The following COL22A1 variants were observed in gnomAD, a reference collection of about 807,000 sequenced individuals.
COL22A1 encodes the protein collagen type XXII alpha 1 chain.
Under a neutral mutation model 248.9 loss-of-function variants are expected in COL22A1, and 221 were observed. The ratio of observed to expected loss-of-function variants is 0.89; its 90% CI spans 0.80 to 0.99. COL22A1 has a LOEUF of 0.99. Among genes scored for constraint, COL22A1 ranks in the 50% least tolerant of loss-of-function variants. The pLI, the probability that COL22A1 is intolerant of heterozygous loss-of-function variation, is 0.00. For missense variants in COL22A1, 2,240 were observed against 2,179.0 expected (o/e 1.03, Z -0.56); for synonymous variants, 891 against 793.4 (o/e 1.12, Z -2.07).
At chr8:138,737,287 C>G (rs769985488) in intron 23 of COL22A1, among the ~76,000 whole-genome samples, 23 of 152,166 alleles carry the variant, frequency 1.5e-4, no homozygotes, top group Non-Finnish European at 2.2e-4. Flanking sequence ...CTTTTATCAC[C>G]CCCATCTGCC....
intron 60 of COL22A1, 42 bp downstream of exon 60, chr8:138,602,073 G>A: frequency 1.2e-6 from 2 of 1,611,600 alleles, no homozygotes; most frequent in Non-Finnish European, 1.7e-6. Context: ...CTGTGCAAAG[G>A]TCGCGTTCGG....
intron 30 of COL22A1, among the ~76,000 whole-genome samples, chr8:138,709,339 G>A (rs569504631): frequency 7.7e-4 from 117 of 152,150 alleles, no homozygotes; most frequent in Admixed American, 2.3e-3. Context: ...ACATGCACAC[G>A]TATGTTTATT....
intron 12 of COL22A1, among the ~76,000 whole-genome samples, chr8:138,792,306 A>G (rs929054087): frequency 2.0e-4 from 30 of 152,318 alleles, no homozygotes; most frequent in African/African-American, 6.7e-4. Context: ...TACCTGCAAT[A>G]TTAATAATAG....
chr8:138,762,588 GCA>G (rs5895560), intron 16 of COL22A1, 122 bp from the exon 17 acceptor site: 6,772 of 510,960 alleles, frequency 0.013, no homozygotes, highest in Non-Finnish European at 0.014. Flanking sequence ...AAACGCACGT[GCA>G]CACACACACA....
chr8:138,908,680 A>G (rs1815208239), intron 1 of COL22A1, among the ~76,000 whole-genome samples: 2 of 152,156 alleles, frequency 1.3e-5, no homozygotes, highest in Admixed American at 1.3e-4. Context: ...GATCTATGTG[A>G]TAATATCTCA....
At chr8:138,857,071 C>T (rs914418831) in intron 3 of COL22A1, among the ~76,000 whole-genome samples, 4 of 152,034 alleles carry the variant, frequency 2.6e-5, no homozygotes, top group Non-Finnish European at 5.9e-5. Flanking sequence ...GCCTTGCTGT[C>T]CGCATCCCCA....
chr8:138,690,884 G>A lies in COL22A1; in HGVS notation c.2755-10C>T. The stretch of plus-strand genomic sequence containing the variant: ...CATGTCCGGGAGCACCCTGTTCAGA[G>A]ACAGAAGTTTAGAAAGGCCAAACGC... On this transcript the variant is annotated splice_polypyrimidine_tract_variant and intron_variant, in intron 35 of 64. Transcript: ENST00000303045. 1.2e-6 allele frequency: 2 copies of A among 1,605,010 alleles called. No homozygotes were observed. Among genetic ancestry groups the A allele is most frequent in the Non-Finnish European group, 1.7e-6 (2 of 1,176,180 alleles).
At chr8:138,823,937 G>A (rs770294735) in intron 6 of COL22A1, among the ~76,000 whole-genome samples, 1 of 152,152 alleles carries the variant, frequency 6.6e-6, no homozygotes, top group African/African-American at 2.4e-5. Flanking sequence ...GTTAAAGGAA[G>A]GTGCTCACGT....
intron 46 of COL22A1, among the ~76,000 whole-genome samples, 181 bp from the exon 47 acceptor site, chr8:138,646,863 T>G (rs1025668544): frequency 2.1e-4 from 32 of 152,268 alleles, no homozygotes; most frequent in African/African-American, 7.7e-4. Context: ...TAGTACTGAG[T>G]GTGGCTGTGC....
intron 9 of COL22A1, among the ~76,000 whole-genome samples, chr8:138,811,221 A>G (rs1818184289): frequency 6.6e-6 from 1 of 151,692 alleles, no homozygotes; most frequent in South Asian, 2.1e-4. Context: ...ACAGAAATGC[A>G]CCACTTTTTA....
At chr8:138,706,475 T>A (rs954234761) in intron 30 of COL22A1, among the ~76,000 whole-genome samples, 1 of 152,168 alleles carries the variant, frequency 6.6e-6, no homozygotes, top group Non-Finnish European at 1.5e-5. Flanking sequence ...AATGCAGGAT[T>A]AAGAAACTCA....
chr8:138,649,321 G>T (rs1822487487), intron 46 of COL22A1, among the ~76,000 whole-genome samples: 1 of 152,152 alleles, frequency 6.6e-6, no homozygotes, highest in Non-Finnish European at 1.5e-5. Context: ...TGCCTATCTT[G>T]GTGCCTATTA....
At chr8:138,746,204 C>T (rs1832092898) in intron 22 of COL22A1, among the ~76,000 whole-genome samples, 1 of 152,206 alleles carries the variant, frequency 6.6e-6, no homozygotes, top group Admixed American at 6.5e-5. Context: ...CTGTTGCCCC[C>T]CAACCCATGT....
intron 37 of COL22A1, among the ~76,000 whole-genome samples, chr8:138,685,997 G>A (rs1424551534): frequency 3.9e-5 from 6 of 152,018 alleles, no homozygotes; most frequent in East Asian, 3.9e-4. Flanking sequence ...CTCTGGGAGC[G>A]GAGACCTCAC....
intron 49 of COL22A1, among the ~76,000 whole-genome samples, chr8:138,631,003 G>A (rs1820675314): frequency 6.6e-6 from 1 of 152,104 alleles, no homozygotes; most frequent in Non-Finnish European, 1.5e-5. Flanking sequence ...TGCAAGATCT[G>A]GTTGTTTAGA....
chr8:138,855,834 C>T (rs1385831031), intron 3 of COL22A1, among the ~76,000 whole-genome samples: 5 of 152,326 alleles, frequency 3.3e-5, no homozygotes, highest in Non-Finnish European at 7.3e-5. Context: ...CTGTCCCCAC[C>T]GACGTAGCTT....
At chr8:138,755,745 C>T (rs1249918358) in intron 19 of COL22A1, 40 bp downstream of exon 19, 1 of 1,608,234 alleles carries the variant, frequency 6.2e-7, no homozygotes, top group Admixed American at 1.7e-5. Flanking sequence ...CCCAATCCCA[C>T]CAGCACCTGC....
At chr8:138,796,162 C>T (rs535269868) in intron 12 of COL22A1, among the ~76,000 whole-genome samples, 318 of 152,158 alleles carry the variant, frequency 2.1e-3, no homozygotes, top group Non-Finnish European at 3.3e-3. Flanking sequence ...TCCTTATAGG[C>T]TAACATCTTA....
chr8:138,831,532 G>A (rs192973557), intron 5 of COL22A1, among the ~76,000 whole-genome samples: 10 of 152,308 alleles, frequency 6.6e-5, no homozygotes, highest in Non-Finnish European at 8.8e-5. Context: ...TGACTTTGGG[G>A]ATTCAAGGAA....
Sources: allele counts gnomAD v4.1 joint callset (sites outside exome capture counted in the v4.1 genomes callset), GRCh38; gene constraint gnomAD v4.1.1; transcripts MANE v1.5; gene names NCBI Gene and HGNC (gene_info 2026-07-23, HGNC 2026-07-21).